The following ESRRG variants were observed in gnomAD, a reference collection of about 807,000 sequenced individuals.
ESRRG encodes estrogen related receptor gamma.
A neutral mutation model predicts 44.0 loss-of-function variants in ESRRG; 13 were observed. The ratio of observed to expected loss-of-function variants is 0.30; its 90% CI spans 0.19 to 0.47. ESRRG has a LOEUF of 0.47. Ranked by LOEUF, ESRRG falls within the 20% of genes least tolerant of loss-of-function variation. The probability of loss-of-function intolerance (pLI) is 1.00; values close to 1 mark genes in which losing one functional copy is unlikely to be tolerated. For missense variants in ESRRG, 395 were observed against 580.6 expected, an observed-to-expected ratio of 0.68 and a Z score of 3.29; for synonymous variants, 215 against 214.6, an observed-to-expected ratio of 1.00 and a Z score of -0.02.
intron 2 of ESRRG, among the ~76,000 whole-genome samples, chr1:216,736,304 T>C (rs928342010): frequency 6.7e-6 from 1 of 148,368 alleles, no homozygotes; most frequent in Non-Finnish European, 1.5e-5. Context: ...TGCCTCAGCC[T>C]CTCCGAGTAG....
intron 1 of ESRRG, among the ~76,000 whole-genome samples, chr1:217,059,387 G>C (rs2087863177): frequency 6.6e-6 from 1 of 151,924 alleles, no homozygotes; most frequent in African/African-American, 2.4e-5. Context: ...GACCAACCCA[G>C]TACCAACGCG....
intron 5 of ESRRG, among the ~76,000 whole-genome samples, chr1:216,528,753 A>G (rs1191556235): frequency 2.0e-5 from 3 of 152,126 alleles, no homozygotes; most frequent in Non-Finnish European, 4.4e-5. Flanking sequence ...AAATCCTGGC[A>G]TTTTATCATT....
intron 1 of ESRRG, among the ~76,000 whole-genome samples, chr1:217,009,703 T>C (rs1263015585): frequency 1.3e-5 from 1 of 74,390 alleles, no homozygotes; most frequent in East Asian, 3.4e-4. Context: ...TTTCTTTTTC[T>C]TTTTTTTTTT....
intron 5 of ESRRG, among the ~76,000 whole-genome samples, chr1:216,560,182 C>T (rs1277850608): frequency 6.6e-6 from 1 of 152,068 alleles, no homozygotes; most frequent in Admixed American, 6.6e-5. Context: ...AGTTTAATAA[C>T]TCCTGCCTCC....
intron 1 of ESRRG, among the ~76,000 whole-genome samples, chr1:217,049,964 A>C (rs2151220871): frequency 6.6e-6 from 1 of 152,356 alleles, no homozygotes; most frequent in South Asian, 2.1e-4. Context: ...CATAAGCAAA[A>C]TAAGTACATC....
chr1:216,701,753 T>G (rs2081424274), intron 1 of ESRRG, among the ~76,000 whole-genome samples: 1 of 152,188 alleles, frequency 6.6e-6, no homozygotes. Flanking sequence ...TCTCCCTTCT[T>G]CCCTATGAAT....
intron 1 of ESRRG, among the ~76,000 whole-genome samples, chr1:216,721,957 C>T (rs2086413282): frequency 6.6e-6 from 1 of 152,174 alleles, no homozygotes. Flanking sequence ...GGCTAATATT[C>T]CCTGTGTGAG....
At chr1:217,003,449 C>G (rs182179931) in intron 1 of ESRRG, among the ~76,000 whole-genome samples, 1 of 151,566 alleles carries the variant, frequency 6.6e-6, no homozygotes, top group South Asian at 2.1e-4. Context: ...ATCTGGGCCA[C>G]GTTTGTTTTG....
intron 1 of ESRRG, among the ~76,000 whole-genome samples, chr1:217,098,314 C>T (rs1323874426): frequency 6.6e-6 from 1 of 150,728 alleles, no homozygotes; most frequent in Admixed American, 6.6e-5. Flanking sequence ...ATAAAACACT[C>T]ATATTTATGG....
intron 2 of ESRRG, among the ~76,000 whole-genome samples, chr1:216,891,890 C>T (rs1252345851): frequency 8.0e-5 from 12 of 150,800 alleles, no homozygotes; most frequent in Admixed American, 4.0e-4. Flanking sequence ...ATCTCCACCT[C>T]CTGGGTTCAA....
intron 1 of ESRRG, among the ~76,000 whole-genome samples, chr1:217,027,749 A>C (rs929538986): frequency 6.6e-6 from 1 of 152,196 alleles, no homozygotes; most frequent in Non-Finnish European, 1.5e-5. Flanking sequence ...TTGGGTTCCT[A>C]GTTTAGGATG....
intron 2 of ESRRG, among the ~76,000 whole-genome samples, chr1:216,792,731 C>T (rs926731468): frequency 2.0e-5 from 3 of 152,120 alleles, no homozygotes; most frequent in Non-Finnish European, 4.4e-5. Flanking sequence ...ACTCACAAAA[C>T]TTTTTCTTAG....
chr1:216,578,895 T>A (rs557565538), intron 3 of ESRRG, among the ~76,000 whole-genome samples: 44 of 152,136 alleles, frequency 2.9e-4, no homozygotes, highest in South Asian at 1.0e-3. Context: ...AGTTTTTCTC[T>A]CCTAGAGTTA....
chr1:217,091,364 C>T (rs2092342368), upstream of ESRRG, among the ~76,000 whole-genome samples: 3 of 152,124 alleles, frequency 2.0e-5, no homozygotes, highest in Non-Finnish European at 2.9e-5. Flanking sequence ...TGAATTCATC[C>T]ATAATAATCT....
intron 2 of ESRRG, among the ~76,000 whole-genome samples, chr1:216,920,702 T>C (rs11572505): frequency 0.055 from 8,423 of 152,190 alleles, 285 homozygotes; most frequent in Middle Eastern, 0.11. Context: ...CTTTCACTTA[T>C]TACACTGCTG....
intron 5 of ESRRG, among the ~76,000 whole-genome samples, chr1:216,552,535 G>A (rs913519698): frequency 3.9e-5 from 6 of 152,128 alleles, no homozygotes; most frequent in African/African-American, 9.7e-5. Context: ...CTTGGCCTGC[G>A]TTAGCTCATT....
chr1:216,766,632 G>A lies in ESRRG; in HGVS notation c.-13-89141C>T, dbSNP rs543819238. On this transcript the variant is annotated intron_variant, in intron 2 of 7. Transcript: ENST00000359162. ...TGGAATTCTGTACCTGATTTAGTGG[G>A]AAAACCAGTGTGATATCTGATGTGA... is the stretch of plus-strand genomic sequence containing the variant. Among the ~76,000 whole-genome samples the A allele has an allele frequency of 1.2e-3, 188 of 152,078 alleles. 1 individual carries two copies. Among genetic ancestry groups the A allele is most frequent in the African/African-American group, 4.4e-3 (182 of 41,498 alleles).
At position 216,504,732 on chromosome 1, in the gene ESRRG, A is replaced by G. The variant is rs1287680466; in HGVS notation, c.*2207T>C. 6.6e-6 allele frequency: 1 copy of G among 152,660 alleles called. No homozygotes were observed. Among genetic ancestry groups the G allele is most frequent in the Non-Finnish European group, 1.5e-5 (1 of 68,032 alleles). 9.5% of individuals were successfully genotyped at this position (152,660 alleles called of 1,614,324 possible). On this transcript the variant is annotated 3_prime_UTR_variant, in exon 7 of 7. Coordinates refer to ENST00000408911, the MANE Select transcript of ESRRG (RefSeq NM_001438.4). ...TTATCTATATTCTTGAAATATTCAA[A>G]GTTTTATTTCTAAGCTATACATTGG... is the stretch of plus-strand genomic sequence containing the variant.
chr1:216,732,105 A>G (rs184990696), intron 2 of ESRRG, among the ~76,000 whole-genome samples: 2,834 of 145,268 alleles, frequency 0.02, 85 homozygotes, highest in African/African-American at 0.067. Context: ...AAAGAAAATA[A>G]AAAATAAAAA....
Sources: allele counts gnomAD v4.1 joint callset (sites outside exome capture counted in the v4.1 genomes callset), GRCh38; gene constraint gnomAD v4.1.1; transcripts MANE v1.5; gene names NCBI Gene and HGNC (gene_info 2026-07-23, HGNC 2026-07-21).